The following LMX1B variants were observed in gnomAD, a reference collection of about 807,000 sequenced individuals.
The protein encoded by LMX1B is LIM homeobox transcription factor 1-beta.
LMX1B carries 12 observed loss-of-function variants against 51.4 expected under a neutral mutation model. The ratio of observed to expected loss-of-function variants is 0.23; its 90% confidence interval spans 0.15 to 0.38. The LOEUF (loss-of-function observed/expected upper bound fraction) is 0.38. Among genes scored for constraint, LMX1B ranks in the 10% least tolerant of loss-of-function variants. The pLI is 1.00. For missense variants in LMX1B, 445 were observed against 571.1 expected, an observed-to-expected ratio of 0.78 and a Z score of 2.25; for synonymous variants, 237 against 235.4, an observed-to-expected ratio of 1.01 and a Z score of -0.06.
intron 2 of LMX1B, among the ~76,000 whole-genome samples, chr9:126,656,382 TTTAG>T (rs1232904410): frequency 7.7e-6 from 1 of 130,336 alleles, no homozygotes; most frequent in Non-Finnish European, 1.6e-5. Flanking sequence ...AGATCTGGTC[TTTAG>T]ATAGATAGAT....
At position 126,696,016 on chromosome 9, in the gene LMX1B, A is replaced by ACCCTCCC; in HGVS notation, c.1051+16_1051+17insTCCCCCC. 2 of 1,512,702 alleles carry ACCCTCCC rather than the reference A, an allele frequency of 1.3e-6. No individual in the cohort carries two copies. The highest frequency in any genetic ancestry group is 1.3e-5 in the South Asian group (1 of 78,868). The allele number at this position is 1,512,702 out of a possible 1,614,324, so 93.7% of individuals were successfully genotyped here. On this transcript the variant is annotated intron_variant, in intron 7 of 7. Transcript: ENST00000373474. Reference sequence around the variant, plus strand: ...ATGAACCCCTATGGTAAGCCGCCCTACCCCCACCCGCCCGCCCCAGCACAG... The same window carrying ACCCTCCC: ...ATGAACCCCTATGGTAAGCCGCCCTACCCTCCCCCCCCACCCGCCCGCCCCAGCACAG...
At chr9:126,633,496 A>C (rs1435048426) in intron 2 of LMX1B, among the ~76,000 whole-genome samples, 1 of 152,200 alleles carries the variant, frequency 6.6e-6, no homozygotes, top group East Asian at 1.9e-4. Flanking sequence ...AAGTCTCCAC[A>C]GGACAACTGG....
rs1836156512 is a variant in LMX1B, at chr9:126,658,224, G to A, written c.327-32612G>A. Among the ~76,000 whole-genome samples the A allele has an allele frequency of 6.6e-6, 1 of 152,042 alleles. No homozygotes were observed. The highest frequency in any genetic ancestry group is 1.5e-5 in the Non-Finnish European group (1 of 68,004). ...AGGAGTGGGACAGGGCAGGAGGGGGGTGAGTCTACAAAGGGTACCAAATGT... is the reference window on the plus strand; with the variant it reads ...AGGAGTGGGACAGGGCAGGAGGGGGATGAGTCTACAAAGGGTACCAAATGT... On this transcript the variant is annotated intron_variant, in intron 2 of 7. Coordinates refer to ENST00000373474, the MANE Select transcript of LMX1B (RefSeq NM_001174147.2). This position sits in a 1 kb window ranked among gnomAD's most constrained non-coding sequence, Gnocchi z 4.0.
chr9:126,673,177 G>C lies in LMX1B; in HGVS notation c.327-17659G>C, dbSNP rs150004042. ...GAGGAGATGAGAACTCCAGAAGCTC[G>C]GGCCAGAGCCTGGCTCACAGCAGGT... On this transcript the variant is annotated intron_variant, in intron 2 of 7. Coordinates refer to ENST00000373474, the MANE Select transcript of LMX1B (RefSeq NM_001174147.2). This position sits in a 1 kb window ranked among gnomAD's most constrained non-coding sequence, Gnocchi z 4.4. Among the ~76,000 whole-genome samples, 14 of 152,272 alleles carry C rather than the reference G, an allele frequency of 9.2e-5. No individual in the cohort carries two copies. The highest frequency in any genetic ancestry group is 7.7e-4 in the East Asian group (4 of 5,170).
intron 2 of LMX1B, among the ~76,000 whole-genome samples, chr9:126,640,441 T>G (rs909544547): frequency 6.6e-6 from 1 of 152,180 alleles, no homozygotes; most frequent in Non-Finnish European, 1.5e-5. Context: ...TTTTGTGACC[T>G]GTATCTGAGG....
Position 126,624,651 on chromosome 9 carries a change from G to GT in LMX1B, c.326+9091dup, listed in dbSNP as rs1016014129. 3.8e-4 allele frequency among the ~76,000 whole-genome samples: 46 copies of GT among 121,128 alleles called. No individual in the cohort carries two copies. In the East Asian group the frequency reaches 5.3e-3, roughly 14 times the overall value. The allele number at this position is 121,128 out of a possible 152,430, so 79.5% of individuals were successfully genotyped here. A position where few individuals can be genotyped will look rare whatever the true frequency, so the allele number is the denominator to read the frequency against. ...CCAGCCCGAGGGCGGCGAGTGGCAGGTTTTTTTTTATCTTGTTTTTTTTTT... is the reference window on the plus strand; with the variant it reads ...CCAGCCCGAGGGCGGCGAGTGGCAGGTTTTTTTTTTATCTTGTTTTTTTTTT... On this transcript the variant is annotated intron_variant, in intron 2 of 7. Coordinates refer to ENST00000373474, the MANE Select transcript of LMX1B (RefSeq NM_001174147.2).
intron 2 of LMX1B, among the ~76,000 whole-genome samples, chr9:126,675,303 C>T (rs1024570723): frequency 1.3e-5 from 2 of 152,142 alleles, no homozygotes. Context: ...TGGATTGCCT[C>T]TGGGGAGGGG....
At chr9:126,617,885 G>A (rs1193729874) in intron 2 of LMX1B, among the ~76,000 whole-genome samples, 1 of 120,978 alleles carries the variant, frequency 8.3e-6, no homozygotes, top group African/African-American at 3.1e-5. Flanking sequence ...ATCTGCGTTA[G>A]GCCGGCCGGC....
At chr9:126,652,304 G>GGC (rs1554724864) in intron 2 of LMX1B, among the ~76,000 whole-genome samples, 1 of 148,824 alleles carries the variant, frequency 6.7e-6, no homozygotes, top group East Asian at 2.1e-4. Context: ...GAAGGGGGGG[G>GGC]GGATTTTCTC....
rs1008404817 is a variant in LMX1B, at chr9:126,658,761, A to G, written c.327-32075A>G. 6.6e-6 allele frequency among the ~76,000 whole-genome samples: 1 copy of G among 152,262 alleles called. No individual in the cohort carries two copies. The highest frequency in any genetic ancestry group is 1.5e-5 in the Non-Finnish European group (1 of 68,044). On this transcript the variant is annotated intron_variant, in intron 2 of 7. Coordinates refer to ENST00000373474, the MANE Select transcript of LMX1B (RefSeq NM_001174147.2). The surrounding 1 kb of genome is among the most constrained non-coding windows in gnomAD (Gnocchi z 4.0). ...TAAATGCCGAACAAATAATCAAATT[A>G]TCAAGCCAAAACCTGGGAAAGTCAT...
At chr9:126,675,821 G>A (rs1392876909) in intron 2 of LMX1B, among the ~76,000 whole-genome samples, 5 of 151,018 alleles carry the variant, frequency 3.3e-5, no homozygotes, top group East Asian at 2.0e-4. Flanking sequence ...AGGCCGAGGC[G>A]GGCGGATCAC....
chr9:126,657,202 A>C (rs1828127371), intron 2 of LMX1B, among the ~76,000 whole-genome samples: 1 of 152,254 alleles, frequency 6.6e-6, no homozygotes, highest in African/African-American at 2.4e-5. Flanking sequence ...TAGTAAGAAG[A>C]AACATTTTTC....
At chr9:126,634,565 C>T (rs868419587) in intron 2 of LMX1B, among the ~76,000 whole-genome samples, 2 of 151,756 alleles carry the variant, frequency 1.3e-5, no homozygotes, top group African/African-American at 4.8e-5. Context: ...TTCAGTTACC[C>T]ACCTCCTGCA....
chr9:126,669,684 G>T (rs576243102), intron 2 of LMX1B, among the ~76,000 whole-genome samples: 2 of 152,294 alleles, frequency 1.3e-5, no homozygotes, highest in East Asian at 3.9e-4. Flanking sequence ...ATGGCAGTAT[G>T]TTTCTCTGTG....
At chr9:126,688,000 A>G (rs2029972428) in intron 2 of LMX1B, among the ~76,000 whole-genome samples, 1 of 152,170 alleles carries the variant, frequency 6.6e-6, no homozygotes, top group African/African-American at 2.4e-5. Context: ...ATTGGGAGTG[A>G]GTATTTCATG....
In LMX1B at chr9:126,696,016, A is replaced by ACGGGGGGGGCCCCC; in HGVS notation, c.1051+14_1051+15insGGGGGGGGCCCCCC. 1 of 1,512,700 alleles carries ACGGGGGGGGCCCCC rather than the reference A, an allele frequency of 6.6e-7. No homozygotes were observed. The highest frequency in any genetic ancestry group is 8.8e-7 in the Non-Finnish European group (1 of 1,131,794). The allele number at this position is 1,512,700 out of a possible 1,614,324, so 93.7% of individuals were successfully genotyped here. On this transcript the variant is annotated intron_variant, in intron 7 of 7. Transcript: ENST00000373474. ...ATGAACCCCTATGGTAAGCCGCCCT[A>ACGGGGGGGGCCCCC]CCCCCACCCGCCCGCCCCAGCACAG...
chr9:126,616,605 G>A (rs1835307530), intron 2 of LMX1B, among the ~76,000 whole-genome samples: 5 of 152,234 alleles, frequency 3.3e-5, no homozygotes, highest in Admixed American at 3.3e-4. Context: ...GGATGAGGCT[G>A]CAGAGCGGGT....
rs367916653 is a variant in LMX1B at position 126,696,392 on chromosome 9, C to T, written c.1150C>T (p.Arg384Cys). The T allele has an allele frequency of 3.7e-6, 6 of 1,614,024 alleles. No individual in the cohort carries two copies. The highest frequency in any genetic ancestry group is 5.1e-6 in the Non-Finnish European group (6 of 1,179,998). The change falls in exon 8 of 8, where the codon CGC becomes TGC. Residue 384 changes from arginine (R) to cysteine (C), a missense_variant. By Grantham distance (180) the Arg-to-Cys change is radical. Coordinates refer to ENST00000373474, the MANE Select transcript of LMX1B (RefSeq NM_001174147.2). ...CTCAGACGTGGGCTCCCTGCAGGCC[C>T]GCGTGGGGAACCCCATCGACCGGCT... ...GSSDVGSLQA[R>C]VGNPIDRLYS...
At chr9:126,636,590 G>GA (rs1835716131) in intron 2 of LMX1B, among the ~76,000 whole-genome samples, 1 of 151,874 alleles carries the variant, frequency 6.6e-6, no homozygotes, top group Non-Finnish European at 1.5e-5. Flanking sequence ...TGGGGGGCCA[G>GA]AAAAGAGAGT....
Sources: allele counts gnomAD v4.1 joint callset (sites outside exome capture counted in the v4.1 genomes callset), GRCh38; gene constraint gnomAD v4.1.1; non-coding constraint Gnocchi (gnomAD v3.1); transcripts MANE v1.5; gene names NCBI Gene and HGNC (gene_info 2026-07-23, HGNC 2026-07-21).